The following MAML3 variants were observed in gnomAD, a reference collection of about 807,000 sequenced individuals.
MAML3 encodes mastermind-like protein 3.
A neutral mutation model predicts 101.9 loss-of-function variants in MAML3; 27 were observed. The ratio of observed to expected loss-of-function variants is 0.27; its 90% confidence interval spans 0.20 to 0.37. The LOEUF is 0.37. Among genes scored for constraint, MAML3 ranks in the 10% least tolerant of loss-of-function variants. The pLI is 1.00. For missense variants in MAML3, 1,316 were observed against 1,444.9 expected (o/e 0.91, Z 1.45); for synonymous variants, 501 against 555.9 (o/e 0.90, Z 1.39).
At chr4:139,916,733 T>C (rs1167902263) in intron 1 of MAML3, among the ~76,000 whole-genome samples, 1 of 152,188 alleles carries the variant, frequency 6.6e-6, no homozygotes, top group Non-Finnish European at 1.5e-5. Flanking sequence ...TTCCTCTTAT[T>C]CATAAGATAA....
intron 2 of MAML3, among the ~76,000 whole-genome samples, chr4:139,796,485 C>T (rs919246007): frequency 3.3e-5 from 5 of 152,286 alleles, no homozygotes; most frequent in Admixed American, 3.3e-4. Flanking sequence ...CTACCCTCTT[C>T]CCAGGCTTTA....
At chr4:139,808,106 G>C (rs1730732129) in intron 2 of MAML3, among the ~76,000 whole-genome samples, 1 of 152,248 alleles carries the variant, frequency 6.6e-6, no homozygotes. Context: ...GCAGTGTGTG[G>C]AGAGGGATGA....
intron 1 of MAML3, among the ~76,000 whole-genome samples, chr4:139,939,002 G>A (rs1316147090): frequency 2.0e-5 from 3 of 152,174 alleles, no homozygotes; most frequent in Admixed American, 6.5e-5. Context: ...CCCGCTCTGC[G>A]CACTGTGAAG....
At chr4:139,866,272 T>G (rs554277298) in intron 2 of MAML3, among the ~76,000 whole-genome samples, 69 of 152,364 alleles carry the variant, frequency 4.5e-4, no homozygotes, top group African/African-American at 1.7e-3. Context: ...CACTCTTGCC[T>G]TGGGCTCCAC....
chr4:139,764,784 G>A (rs1015687061), intron 2 of MAML3, among the ~76,000 whole-genome samples: 3 of 152,210 alleles, frequency 2.0e-5, no homozygotes, highest in Non-Finnish European at 4.4e-5. Context: ...TCTTCCACAG[G>A]TACAAGCACT....
chr4:140,112,513 A>G (rs994263601), intron 1 of MAML3, among the ~76,000 whole-genome samples: 1 of 152,256 alleles, frequency 6.6e-6, no homozygotes, highest in African/African-American at 2.4e-5. Context: ...GCTCACTTGC[A>G]GTCACATTGA....
At chr4:139,783,752 GA>G (rs1730257701) in intron 2 of MAML3, among the ~76,000 whole-genome samples, 1 of 152,098 alleles carries the variant, frequency 6.6e-6, no homozygotes, top group African/African-American at 2.4e-5. Flanking sequence ...TGGCCCCTTG[GA>G]AACCCCACTG....
chr4:139,850,170 G>C (rs1731521241), intron 2 of MAML3, among the ~76,000 whole-genome samples: 1 of 152,020 alleles, frequency 6.6e-6, no homozygotes, highest in Non-Finnish European at 1.5e-5. Context: ...AAAAAGAAAA[G>C]CAAGCAGTGT....
Position 139,890,178 on chromosome 4 carries a change from T to G in MAML3, c.1258A>C (p.Thr420Pro). 3 of 1,612,706 alleles carry G rather than the reference T, an allele frequency of 1.9e-6. No individual in the cohort carries two copies. Among genetic ancestry groups the G allele is most frequent in the Non-Finnish European group, 1.7e-6 (2 of 1,179,724 alleles). The change falls in exon 2 of 5, where the codon ACT becomes CCT. Residue 420 changes from threonine to proline, a missense_variant. Physicochemically the swap from Thr to Pro is conservative, Grantham distance 38. Transcript: ENST00000509479. The surrounding 1 kb of genome is among the most constrained non-coding windows in gnomAD (Gnocchi z 4.1). ...PANCAVQSPQTPNQAHTPGQA... is the reference protein window; with the variant it reads ...PANCAVQSPQPPNQAHTPGQA... Reference sequence around the variant, plus strand: ...CCTGGAGTGTGGGCTTGGTTTGGAGTTTGAGGGGACTGGACAGCACAGTTT... The same window carrying G: ...CCTGGAGTGTGGGCTTGGTTTGGAGGTTGAGGGGACTGGACAGCACAGTTT...
intron 2 of MAML3, among the ~76,000 whole-genome samples, chr4:139,872,362 T>TC (rs1732028049): frequency 6.6e-6 from 1 of 152,180 alleles, no homozygotes; most frequent in Non-Finnish European, 1.5e-5. Flanking sequence ...TGATTCATAT[T>TC]TGAATGGGAA....
At chr4:140,098,638 T>C (rs931574394) in intron 1 of MAML3, among the ~76,000 whole-genome samples, 3 of 152,242 alleles carry the variant, frequency 2.0e-5, no homozygotes, top group Non-Finnish European at 2.9e-5. Context: ...CAATATCTCA[T>C]GGTGCTCTGC....
chr4:139,771,039 T>C (rs1399304624), intron 2 of MAML3, among the ~76,000 whole-genome samples: 1 of 152,156 alleles, frequency 6.6e-6, no homozygotes, highest in Non-Finnish European at 1.5e-5. Context: ...CCATGAAGGA[T>C]CCACACCACA....
At chr4:139,917,658 T>C (rs1283204188) in intron 1 of MAML3, among the ~76,000 whole-genome samples, 1 of 152,146 alleles carries the variant, frequency 6.6e-6, no homozygotes, top group Non-Finnish European at 1.5e-5. Context: ...AGCCTCTATA[T>C]AAGGAGAAAC....
At chr4:139,980,192 G>C (rs534969258) in intron 1 of MAML3, among the ~76,000 whole-genome samples, 15 of 152,218 alleles carry the variant, frequency 9.9e-5, no homozygotes, top group African/African-American at 3.6e-4. Flanking sequence ...CCTGGCTTCT[G>C]GGATCCCTCA....
At chr4:139,937,947 C>T (rs571197700) in intron 1 of MAML3, among the ~76,000 whole-genome samples, 3 of 152,292 alleles carry the variant, frequency 2.0e-5, no homozygotes, top group East Asian at 1.9e-4. Context: ...GGCTTCCACT[C>T]GATGTCCCTT....
chr4:140,037,757 G>A (rs967859099), intron 1 of MAML3, among the ~76,000 whole-genome samples: 1 of 152,214 alleles, frequency 6.6e-6, no homozygotes, highest in African/African-American at 2.4e-5. Flanking sequence ...TAAGGTACGT[G>A]TATTTCAACG....
intron 1 of MAML3, among the ~76,000 whole-genome samples, chr4:140,096,522 T>A (rs1728166244): frequency 6.6e-6 from 1 of 152,170 alleles, no homozygotes; most frequent in African/African-American, 2.4e-5. Flanking sequence ...AGGGCCTATT[T>A]ATTCTTGCTT....
chr4:139,794,287 C>T (rs1730471472), intron 2 of MAML3: 1 of 152,176 alleles, frequency 6.6e-6, no homozygotes, highest in African/African-American at 2.4e-5. Context: ...TCTGGGAAGG[C>T]TCTTCTTCTC....
intron 1 of MAML3, among the ~76,000 whole-genome samples, chr4:139,935,040 C>T (rs973470642): frequency 6.6e-6 from 1 of 152,048 alleles, no homozygotes; most frequent in Non-Finnish European, 1.5e-5. Flanking sequence ...ATGTCTTGGG[C>T]AACGTACGGC....
Sources: gnomAD v4.1 joint callset for allele counts (sites outside exome capture counted in the v4.1 genomes callset) on GRCh38, gnomAD v4.1.1 for gene constraint, Gnocchi (gnomAD v3.1) non-coding constraint, MANE v1.5 for transcripts, NCBI Gene and HGNC (gene_info 2026-07-23, HGNC 2026-07-21) for gene names.